PARP6: variants seen among roughly 807,000 people sequenced by gnomAD.
PARP6 encodes protein mono-ADP-ribosyltransferase PARP6.
In PARP6, 27 loss-of-function variants were observed where a neutral mutation model predicts 92.0. That is an observed-to-expected ratio of 0.29 (90% CI 0.22 to 0.40). The LOEUF (loss-of-function observed/expected upper bound fraction) is 0.40, where lower values mean the gene tolerates loss of function less well. Among genes scored for constraint, PARP6 ranks in the 10% least tolerant of loss-of-function variants. The probability of loss-of-function intolerance (pLI) is 1.00; values close to 1 mark genes in which losing one functional copy is unlikely to be tolerated. For synonymous variants in PARP6, 272 were observed against 281.2 expected (o/e 0.97, Z 0.33); for missense variants, 501 against 784.5 (o/e 0.64, Z 4.32).
At chr15:72,252,396 C>T (rs946168400) in intron 16 of PARP6, among the ~76,000 whole-genome samples, 1 of 152,222 alleles carries the variant, frequency 6.6e-6, no homozygotes, top group Non-Finnish European at 1.5e-5. Context: ...ACAAAAAATA[C>T]ATACGCGAGA....
At chr15:72,247,822 G>T (rs532352593) in intron 20 of PARP6, among the ~76,000 whole-genome samples, 38 of 151,764 alleles carry the variant, frequency 2.5e-4, no homozygotes, top group African/African-American at 9.2e-4. Flanking sequence ...TTGCTTTGTT[G>T]TCTAGGCTGG....
intron 15 of PARP6, 103 bp from the exon 16 acceptor site, chr15:72,253,607 C>T (rs905195981): frequency 3.3e-6 from 3 of 895,754 alleles, no homozygotes; most frequent in Admixed American, 2.0e-5. Context: ...AAGGTAGGCA[C>T]CAAAGGCCAC....
intron 19 of PARP6, 44 bp from the exon 20 acceptor site, chr15:72,249,358 C>T: frequency 8.7e-7 from 1 of 1,145,256 alleles, no homozygotes; most frequent in Non-Finnish European, 1.3e-6. Context: ...CCTGGGCCCT[C>T]CCATGGCTAT....
intron 20 of PARP6, among the ~76,000 whole-genome samples, chr15:72,247,226 G>A (rs1262272888): frequency 3.9e-5 from 6 of 152,046 alleles, no homozygotes; most frequent in South Asian, 4.1e-4. Flanking sequence ...CCAAGCTGGA[G>A]TGCAGTGACA....
intron 9 of PARP6, 36 bp from the exon 10 acceptor site, chr15:72,260,724 G>C (rs1366741301): frequency 1.3e-6 from 2 of 1,523,862 alleles, no homozygotes; most frequent in African/African-American, 2.7e-5. Context: ...GATAAAACTG[G>C]GGATTTCATA....
At chr15:72,260,715 A>G in intron 9 of PARP6, 27 bp from the exon 10 acceptor site, 1 of 1,558,516 alleles carries the variant, frequency 6.4e-7, no homozygotes, top group Non-Finnish European at 8.9e-7. Context: ...AAGAGAAGTG[A>G]TAAAACTGGG....
chr15:72,256,513 G>C lies in PARP6; in HGVS notation c.1077C>G (p.Pro359=). 6.2e-7 allele frequency: 1 copy of C among 1,601,410 alleles called. No individual in the cohort carries two copies. The highest frequency in any genetic ancestry group is 8.5e-7 in the Non-Finnish European group (1 of 1,174,804). ...PRKSIIFEPY[P]SVVDPTDPKT... ...TGGGATCAGTGGGGTCCACCACAGA[G>C]GGATAAGGCTCAAAGATGATGCTCT... The change falls in exon 14 of 24, where the codon CCC becomes CCG. Residue 359 remains proline, a synonymous_variant. Coordinates refer to ENST00000569795, the MANE Select transcript of PARP6 (RefSeq NM_001323532.2).
intron 20 of PARP6, chr15:72,244,678 A>G (rs944032178): frequency 6.6e-6 from 1 of 152,258 alleles, no homozygotes; most frequent in Non-Finnish European, 1.5e-5. Context: ...AGTTGGTCAA[A>G]TGCTGGAGTA....
chr15:72,241,311 A>C lies in PARP6; in HGVS notation c.*144T>G, dbSNP rs573228924. 9.3e-5 allele frequency: 66 copies of C among 711,862 alleles called. No homozygotes were observed. The East Asian group carries it at 1.8e-3, about 19-fold the overall frequency. 44.1% of individuals were successfully genotyped at this position (711,862 alleles called of 1,614,324 possible). A position where few individuals can be genotyped will look rare whatever the true frequency, so the allele number is the denominator to read the frequency against. On this transcript the variant is annotated 3_prime_UTR_variant, in exon 24 of 24. Transcript: ENST00000569795. This position sits in a 1 kb window ranked among gnomAD's most constrained non-coding sequence, Gnocchi z 4.1. ...GTTCTTGGGTCAAGCTCTACCATGA[A>C]GGCCACCTCTTACATATCCTTTTCC... is the stretch of plus-strand genomic sequence containing the variant.
chr15:72,265,147 C>T lies in PARP6; in HGVS notation c.262G>A (p.Val88Ile), dbSNP rs1597136042. Residue 88 changes from valine (V) to isoleucine (I), a missense_variant, in exon 7 of 24, where the codon GTC becomes ATC. By Grantham distance (29) the Val-to-Ile change is conservative. Coordinates refer to ENST00000569795, the MANE Select transcript of PARP6 (RefSeq NM_001323532.2). ...AACACAATAGGTTCTGTCCGGAGGA[C>T]CTTCCAGGCTGTAGAGACTTCCTCC... ...LDEEVSTAWK[V>I]LRTEPIVLRL... is the part of the protein sequence containing the mutation. 6.2e-7 allele frequency: 1 copy of T among 1,613,158 alleles called. No homozygotes were observed.
Position 72,265,315 on chromosome 15 carries a change from G to A in PARP6, c.237+98C>T, listed in dbSNP as rs546589123. The A allele has an allele frequency of 7.9e-6, 9 of 1,140,420 alleles. No homozygotes were observed. In the East Asian group the frequency reaches 2.1e-4, roughly 27 times the overall value. The allele number at this position is 1,140,420 out of a possible 1,614,324, so 70.6% of individuals were successfully genotyped here. A position where few individuals can be genotyped will look rare whatever the true frequency, so the allele number is the denominator to read the frequency against. ...GGAAAGACAGAGATGAAGAATATGT[G>A]CTCCAAATACAGCACTCGGGAACAA... On this transcript the variant is annotated intron_variant, in intron 6 of 23. Transcript: ENST00000569795.
At chr15:72,253,122 C>A (rs981379773) in intron 16 of PARP6, among the ~76,000 whole-genome samples, 7 of 149,554 alleles carry the variant, frequency 4.7e-5, no homozygotes, top group Non-Finnish European at 1.0e-4. Flanking sequence ...CTACAGTGAA[C>A]CATGATCGCA....
rs1174903278 is a variant in PARP6 at position 72,241,398 on chromosome 15, T to C, written c.*57A>G. 8.0e-7 allele frequency: 1 copy of C among 1,253,632 alleles called. No homozygotes were observed. Among genetic ancestry groups the C allele is most frequent in the African/African-American group, 1.5e-5 (1 of 68,052 alleles). The allele number at this position is 1,253,632 out of a possible 1,614,324, so 77.7% of individuals were successfully genotyped here. A position where few individuals can be genotyped will look rare whatever the true frequency, so the allele number is the denominator to read the frequency against. ...GCCTCAGCTGCTGTACCTGAACACT[T>C]TTATGAGGGCAGATGGATCCTGGGG... is the stretch of plus-strand genomic sequence containing the variant. On this transcript the variant is annotated 3_prime_UTR_variant, in exon 24 of 24. Transcript: ENST00000569795. This position sits in a 1 kb window ranked among gnomAD's most constrained non-coding sequence, Gnocchi z 4.1.
At chr15:72,246,684 G>A (rs2083647670) in intron 20 of PARP6, among the ~76,000 whole-genome samples, 3 of 151,682 alleles carry the variant, frequency 2.0e-5, no homozygotes, top group Admixed American at 2.0e-4. Context: ...GTTTGCTTTT[G>A]AACAATATAA....
At position 72,271,048 on chromosome 15, in the gene PARP6, T is replaced by C. The variant is rs796550031; in HGVS notation, c.-220A>G. On this transcript the variant is annotated 5_prime_UTR_variant, in exon 2 of 24. Coordinates refer to ENST00000569795, the MANE Select transcript of PARP6 (RefSeq NM_001323532.2). ...CTTCAAGAGCAGCTGAGATCCAGAATGTGAAGATCTTGGGGTGAGGTTCGT... is the reference window on the plus strand; with the variant it reads ...CTTCAAGAGCAGCTGAGATCCAGAACGTGAAGATCTTGGGGTGAGGTTCGT... The C allele has an allele frequency of 1.4e-4, 22 of 152,280 alleles. No individual in the cohort carries two copies. Among genetic ancestry groups the C allele is most frequent in the African/African-American group, 5.3e-4 (22 of 41,554 alleles). 9.4% of individuals were successfully genotyped at this position (152,280 alleles called of 1,614,324 possible).
In PARP6 at chr15:72,242,485, T is replaced by C; in HGVS notation, c.1641+135A>G. 1.4e-6 allele frequency: 1 copy of C among 708,588 alleles called. No individual in the cohort carries two copies. The highest frequency in any genetic ancestry group is 1.6e-5 in the South Asian group (1 of 63,448). The allele number at this position is 708,588 out of a possible 1,614,324, so 43.9% of individuals were successfully genotyped here. A position where few individuals can be genotyped will look rare whatever the true frequency, so the allele number is the denominator to read the frequency against. On this transcript the variant is annotated intron_variant, in intron 21 of 23. Transcript: ENST00000569795. This position sits in a 1 kb window ranked among gnomAD's most constrained non-coding sequence, Gnocchi z 4.3. The stretch of plus-strand genomic sequence containing the variant: ...TATGACTCCAGACGTGTGTTCACTT[T>C]AGAACATACCTGACTCCTTTAAATG...
At chr15:72,264,141 T>C (rs187693014) in intron 8 of PARP6, among the ~76,000 whole-genome samples, 1 of 152,340 alleles carries the variant, frequency 6.6e-6, no homozygotes, top group African/African-American at 2.4e-5. Context: ...CAGTGGACTC[T>C]ATTTGAAACT....
chr15:72,255,504 C>G (rs964723605), intron 14 of PARP6, among the ~76,000 whole-genome samples: 10 of 151,998 alleles, frequency 6.6e-5, no homozygotes, highest in Non-Finnish European at 1.5e-4. Context: ...GTGATCCACC[C>G]GCCTTGGCCT....
At chr15:72,260,300 GTGAGACCC>G (rs2085691877) in intron 10 of PARP6, among the ~76,000 whole-genome samples, 170 bp downstream of exon 10, 2 of 152,192 alleles carry the variant, frequency 1.3e-5, no homozygotes. Flanking sequence ...GGATGACAGA[GTGAGACCC>G]TGTCTCAAAA....
Sources: allele counts gnomAD v4.1 joint callset (sites outside exome capture counted in the v4.1 genomes callset), GRCh38; gene constraint gnomAD v4.1.1; non-coding constraint Gnocchi (gnomAD v3.1); transcripts MANE v1.5; gene names NCBI Gene and HGNC (gene_info 2026-07-23, HGNC 2026-07-21).